CR1L: variants seen among roughly 807,000 people sequenced by gnomAD.
CR1L encodes complement C3b/C4b receptor 1 like.
CR1L carries 59 observed loss-of-function variants against 62.3 expected under a neutral mutation model. The observed-to-expected ratio is 0.95, with a 90% CI of 0.77 to 1.18. The LOEUF (loss-of-function observed/expected upper bound fraction) is 1.18. Ranked by LOEUF, CR1L falls within the 50% of genes most tolerant of loss-of-function variation. The probability of loss-of-function intolerance (pLI) is 0.00; values close to 1 mark genes in which losing one functional copy is unlikely to be tolerated. For missense variants in CR1L, 700 were observed against 702.8 expected (o/e 1.00, Z 0.04); for synonymous variants, 279 against 248.7 (o/e 1.12, Z -1.15).
At chr1:207,708,305 C>T in intron 10 of CR1L, 42 bp downstream of exon 10, 1 of 1,600,560 alleles carries the variant, frequency 6.2e-7, no homozygotes, top group Non-Finnish European at 8.5e-7. Context: ...ACCATTTAAC[C>T]CTAGAGTTGT....
chr1:207,679,849 C>A (rs1342738531), intron 3 of CR1L, among the ~76,000 whole-genome samples: 2 of 152,044 alleles, frequency 1.3e-5, no homozygotes, highest in Non-Finnish European at 2.9e-5. Flanking sequence ...GTGAAAGAAG[C>A]CAATCTGAAA....
At chr1:207,694,298 C>CAGTTTAGTTACAGTT in intron 4 of CR1L, 55 bp from the exon 5 acceptor site, 1 of 1,595,256 alleles carries the variant, frequency 6.3e-7, no homozygotes, top group South Asian at 1.1e-5. Flanking sequence ...AGTTTAGTGA[C>CAGTTTAGTTACAGTT]TCGTGAGATT....
intron 1 of CR1L, among the ~76,000 whole-genome samples, chr1:207,674,417 A>C (rs1002807483): frequency 1.9e-4 from 29 of 152,210 alleles, no homozygotes; most frequent in Admixed American, 7.9e-4. Flanking sequence ...GTTTATATTA[A>C]TATATTTATC....
At chr1:207,684,934 T>C (rs537449252) in intron 4 of CR1L, among the ~76,000 whole-genome samples, 1 of 152,344 alleles carries the variant, frequency 6.6e-6, no homozygotes, top group Non-Finnish European at 1.5e-5. Flanking sequence ...GTTTACGAGC[T>C]TCAGAATCTA....
At chr1:207,686,935 A>G (rs1337094536) in intron 4 of CR1L, among the ~76,000 whole-genome samples, 1 of 152,224 alleles carries the variant, frequency 6.6e-6, no homozygotes, top group Non-Finnish European at 1.5e-5. Flanking sequence ...TGAATCTGCC[A>G]GAGAGGTTGG....
intron 1 of CR1L, among the ~76,000 whole-genome samples, chr1:207,649,124 G>A (rs1018776484): frequency 6.6e-6 from 1 of 152,188 alleles, no homozygotes; most frequent in Non-Finnish European, 1.5e-5. Flanking sequence ...ACTGATCACT[G>A]CTTCCCAGGG....
Position 207,708,077 on chromosome 1 carries a change from C to G in CR1L, c.1329-101C>G, listed in dbSNP as rs1249912663. ...GGTAAAGTTTAGGCTAGGCCTTAGA[C>G]TTCTCCTATATTGTAATCCCTCTGG... On this transcript the variant is annotated intron_variant, in intron 9 of 11. Transcript: ENST00000508064. 3.6e-6 allele frequency: 5 copies of G among 1,396,592 alleles called. No individual in the cohort carries two copies. In the African/African-American group the frequency reaches 7.2e-5, roughly 20 times the overall value. 86.5% of individuals were successfully genotyped at this position (1,396,592 alleles called of 1,614,324 possible). A position where few individuals can be genotyped will look rare whatever the true frequency, so the allele number is the denominator to read the frequency against.
In CR1L at chr1:207,645,238, C is replaced by T. The variant is rs553933937; in HGVS notation, c.5C>T (p.Ala2Val). 7.4e-6 allele frequency: 12 copies of T among 1,613,012 alleles called. No homozygotes were observed. In the East Asian group the frequency reaches 1.1e-4, roughly 15 times the overall value. ...ACGGGGTCTCCCGCGCCGCTCATGG[C>T]GCCTCCCGTCCGTCTCGAGCGTCCC... M[A>V]PPVRLERPFP... is the part of the protein sequence containing the mutation. Residue 2 changes from alanine (A) to valine (V), a missense_variant, in exon 1 of 12, where the codon GCG (alanine) becomes GTG (valine). By Grantham distance (64) the Ala-to-Val change is moderately conservative. Coordinates refer to ENST00000508064, the MANE Select transcript of CR1L (RefSeq NM_175710.2).
intron 11 of CR1L, among the ~76,000 whole-genome samples, chr1:207,720,549 G>A (rs1654111602): frequency 6.6e-6 from 1 of 152,088 alleles, no homozygotes; most frequent in Admixed American, 6.6e-5. Flanking sequence ...AATATCTTGG[G>A]ATACTCAGAT....
chr1:207,645,148 C>T lies in CR1L; in HGVS notation c.-86C>T. 3.0e-6 allele frequency: 4 copies of T among 1,330,536 alleles called. No individual in the cohort carries two copies. Among genetic ancestry groups the T allele is most frequent in the Non-Finnish European group, 4.3e-6 (4 of 937,412 alleles). The allele number at this position is 1,330,536 out of a possible 1,614,324, so 82.4% of individuals were successfully genotyped here. On this transcript the variant is annotated 5_prime_UTR_variant, in exon 1 of 12. Coordinates refer to ENST00000508064, the MANE Select transcript of CR1L (RefSeq NM_175710.2). ...TTTGGGGATTGTTGTGTCCACTAAC[C>T]GGACTCAGAAGGGACTTCCCTGCTC... is the stretch of plus-strand genomic sequence containing the variant.
chr1:207,678,519 T>C (rs1310621204), intron 3 of CR1L, among the ~76,000 whole-genome samples: 5 of 152,096 alleles, frequency 3.3e-5, no homozygotes, highest in Non-Finnish European at 5.9e-5. Context: ...AGAGCATATA[T>C]GAAAAGTGTG....
At chr1:207,647,829 T>G (rs1031740054) in intron 1 of CR1L, among the ~76,000 whole-genome samples, 1 of 152,178 alleles carries the variant, frequency 6.6e-6, no homozygotes, top group African/African-American at 2.4e-5. Flanking sequence ...TGCATCTCAC[T>G]GATCATTAAA....
chr1:207,663,189 T>G (rs1663453190), intron 1 of CR1L, among the ~76,000 whole-genome samples: 1 of 152,218 alleles, frequency 6.6e-6, no homozygotes, highest in African/African-American at 2.4e-5. Context: ...CAGGGACATT[T>G]AAGTCTGCAG....
chr1:207,686,267 T>G (rs528760470), intron 4 of CR1L, among the ~76,000 whole-genome samples: 46 of 150,030 alleles, frequency 3.1e-4, no homozygotes, highest in African/African-American at 1.1e-3. Flanking sequence ...CATTGAACAT[T>G]GGTAGCAATA....
chr1:207,660,068 C>G (rs1663385542), intron 1 of CR1L, among the ~76,000 whole-genome samples: 1 of 152,264 alleles, frequency 6.6e-6, no homozygotes, highest in African/African-American at 2.4e-5. Flanking sequence ...CCTACTGCCT[C>G]TCTAGATTCC....
Position 207,697,981 on chromosome 1 carries a change from C to A in CR1L, c.1142+108C>A. 2.1e-6 allele frequency: 3 copies of A among 1,462,440 alleles called. No individual in the cohort carries two copies. In the South Asian group the frequency reaches 3.7e-5, roughly 18 times the overall value. 90.6% of individuals were successfully genotyped at this position (1,462,440 alleles called of 1,614,324 possible). ...AAAAAAAGACAGACAGACAGACACACACACACACACACACAATCAGAGAGA... is the reference window on the plus strand; with the variant it reads ...AAAAAAAGACAGACAGACAGACACAAACACACACACACACAATCAGAGAGA... On this transcript the variant is annotated intron_variant, in intron 7 of 11. Coordinates refer to ENST00000508064, the MANE Select transcript of CR1L (RefSeq NM_175710.2).
At position 207,715,248 on chromosome 1, in the gene CR1L, T is replaced by C. The variant is rs568161647; in HGVS notation, c.1415-2216T>C. ...AGTGAGGAAGCTGAGCATCTATTAG[T>C]GAAGAAATCAAGGGAGAGATGGGAA... is the stretch of plus-strand genomic sequence containing the variant. On this transcript the variant is annotated intron_variant, in intron 10 of 11. Transcript: ENST00000508064. 453 of 959,048 alleles carry C rather than the reference T, an allele frequency of 4.7e-4. 6 individuals carry two copies. In the South Asian group the frequency reaches 5.4e-3, roughly 11 times the overall value. 59.4% of individuals were successfully genotyped at this position (959,048 alleles called of 1,614,324 possible).
chr1:207,664,984 C>T lies in CR1L; in HGVS notation c.98-12405C>T, dbSNP rs541638493. On this transcript the variant is annotated intron_variant, in intron 1 of 11. Coordinates refer to ENST00000508064, the MANE Select transcript of CR1L (RefSeq NM_175710.2). The stretch of plus-strand genomic sequence containing the variant: ...AAGATACATATGTTTACCCCAAGCA[C>T]ATTACTTTTATGATTTATTACTTGT... 9.8e-5 allele frequency among the ~76,000 whole-genome samples: 15 copies of T among 152,350 alleles called. No individual in the cohort carries two copies. The South Asian group carries it at 2.9e-3, about 29-fold the overall frequency.
chr1:207,667,134 AAAC>A (rs1558013518), intron 1 of CR1L, among the ~76,000 whole-genome samples: 1 of 152,240 alleles, frequency 6.6e-6, no homozygotes, highest in Non-Finnish European at 1.5e-5. Flanking sequence ...TCAGTTTAAA[AAAC>A]AACAACAATG....
Sources: gnomAD v4.1 joint callset for allele counts (sites outside exome capture counted in the v4.1 genomes callset) on GRCh38, gnomAD v4.1.1 for gene constraint, MANE v1.5 for transcripts, NCBI Gene and HGNC (gene_info 2026-07-23, HGNC 2026-07-21) for gene names.